The following PRKAA1 variants were observed in gnomAD, a reference collection of about 807,000 sequenced individuals.
PRKAA1 encodes protein kinase AMP-activated catalytic subunit alpha 1.
PRKAA1 carries 23 observed loss-of-function variants against 56.9 expected under a neutral mutation model. The observed-to-expected ratio is 0.40, with a 90% CI of 0.29 to 0.57. PRKAA1 has a LOEUF of 0.57. PRKAA1 is among the 20% of genes least tolerant of loss of function. The probability of loss-of-function intolerance (pLI) is 0.39; values close to 1 mark genes in which losing one functional copy is unlikely to be tolerated. For synonymous variants in PRKAA1, 226 were observed against 227.0 expected (o/e 1.00, Z 0.04); for missense variants, 413 against 679.7 (o/e 0.61, Z 4.36).
chr5:40,765,135 CA>C lies in PRKAA1; in HGVS notation c.924del (p.Cys308TrpfsTer31). 6.2e-7 allele frequency: 1 copy of C among 1,614,152 alleles called. No homozygotes were observed. Among genetic ancestry groups the C allele is most frequent in the Non-Finnish European group, 8.5e-7 (1 of 1,180,020 alleles). ...TCCTCTTCTGAGCACTCAAACTTTT[CA>C]CATACTTCTTTTAAGGCTTCATCAT... ...MIDDEALKEV[C>X]EKFECSEEEV... On this transcript the variant is annotated frameshift_variant, in exon 7 of 9. Transcript: ENST00000397128. LOFTEE classifies it high-confidence loss of function.
intron 2 of PRKAA1, 92 bp downstream of exon 2, chr5:40,777,353 G>T: frequency 7.3e-7 from 1 of 1,371,094 alleles, no homozygotes; most frequent in Non-Finnish European, 1.0e-6. Flanking sequence ...ACAAAAAGAA[G>T]TGTCAGTCAT....
chr5:40,759,634 T>C lies in PRKAA1; in HGVS notation c.*3144A>G, dbSNP rs1330866410. The C allele has an allele frequency of 6.6e-6, 1 of 152,348 alleles. No homozygotes were observed. Among genetic ancestry groups the C allele is most frequent in the African/African-American group, 2.4e-5 (1 of 41,464 alleles). The allele number at this position is 152,348 out of a possible 1,614,324, so 9.4% of individuals were successfully genotyped here. A position where few individuals can be genotyped will look rare whatever the true frequency, so the allele number is the denominator to read the frequency against. ...GAAAAAATTTGGACAGCACACACTT[T>C]TCTTTCATTCCAAAGGTGCCAGTCA... On this transcript the variant is annotated 3_prime_UTR_variant, in exon 9 of 9. Transcript: ENST00000397128.
At chr5:40,769,050 A>G in intron 5 of PRKAA1, 1 of 775,268 alleles carries the variant, frequency 1.3e-6, no homozygotes, top group Non-Finnish European at 2.0e-6. Flanking sequence ...AATGCCATCT[A>G]TGTAAAAAAT....
chr5:40,759,735 A>G lies in PRKAA1; in HGVS notation c.*3043T>C, dbSNP rs534410671. 2 of 152,478 alleles carry G rather than the reference A, an allele frequency of 1.3e-5. No homozygotes were observed. Among genetic ancestry groups the G allele is most frequent in the South Asian group, 4.1e-4 (2 of 4,828 alleles). The allele number at this position is 152,478 out of a possible 1,614,324, so 9.4% of individuals were successfully genotyped here. A position where few individuals can be genotyped will look rare whatever the true frequency, so the allele number is the denominator to read the frequency against. On this transcript the variant is annotated 3_prime_UTR_variant, in exon 9 of 9. Transcript: ENST00000397128. ...ATTCAATGTAAATGGTGTCACTACA[A>G]CATCAAAAAGAGCAGTGCTAGGCAG...
intron 3 of PRKAA1, 72 bp from the exon 4 acceptor site, chr5:40,771,935 C>T (rs1743767114): frequency 2.0e-6 from 3 of 1,521,168 alleles, no homozygotes; most frequent in African/African-American, 1.4e-5. Flanking sequence ...AATTCTCCAA[C>T]CTATAAAATT....
chr5:40,764,372 G>A (rs1743324757), intron 8 of PRKAA1, 142 bp downstream of exon 8: 1 of 747,572 alleles, frequency 1.3e-6, no homozygotes, highest in East Asian at 2.8e-5. Flanking sequence ...TGTTAATATT[G>A]CAAAGGCACA....
chr5:40,762,823 T>A lies in PRKAA1; in HGVS notation c.1635A>T (p.Glu545Asp). 6.2e-7 allele frequency: 1 copy of A among 1,614,152 alleles called. No individual in the cohort carries two copies. The highest frequency in any genetic ancestry group is 2.2e-5 in the East Asian group (1 of 44,878). The change falls in exon 9 of 9, where the codon GAA becomes GAT. Residue 545 changes from glutamate to aspartate, a missense_variant. Glu to Asp is a conservative substitution (Grantham distance 45). Around this residue, in one of 9 missense-constraint regions of PRKAA1, gnomAD observed 139 missense variants for 171.5 expected, o/e 0.81. Transcript: ENST00000397128. ...LTPRPGSHTI[E>D]FFEMCANLIK... Reference sequence around the variant, plus strand: ...TTAGATTTGCACACATCTCAAAAAATTCTATTGTGTGACTTCCAGGTCTTG... The same window carrying A: ...TTAGATTTGCACACATCTCAAAAAAATCTATTGTGTGACTTCCAGGTCTTG...
At chr5:40,792,774 G>A (rs986553260) in intron 1 of PRKAA1, among the ~76,000 whole-genome samples, 1 of 152,032 alleles carries the variant, frequency 6.6e-6, no homozygotes, top group Non-Finnish European at 1.5e-5. Context: ...AAATACTTAC[G>A]AACTTAGGCC....
At chr5:40,786,841 C>CCTAGCTA (rs1325125954) in intron 1 of PRKAA1, among the ~76,000 whole-genome samples, 1 of 143,526 alleles carries the variant, frequency 7.0e-6, no homozygotes, top group East Asian at 2.1e-4. Context: ...CGCCTGTAAT[C>CCTAGCTA]CTAGCTACTT....
intron 6 of PRKAA1, among the ~76,000 whole-genome samples, chr5:40,765,636 G>A (rs1743393385): frequency 6.6e-6 from 1 of 152,136 alleles, no homozygotes; most frequent in African/African-American, 2.4e-5. Context: ...CAACTACTGA[G>A]TACTTACTAT....
intron 1 of PRKAA1, among the ~76,000 whole-genome samples, chr5:40,793,889 G>C (rs761906274): frequency 6.6e-6 from 1 of 152,106 alleles, no homozygotes; most frequent in Non-Finnish European, 1.5e-5. Context: ...ATCACCTGAG[G>C]TCAGGAGTTC....
At chr5:40,773,622 A>T (rs1743852415) in intron 3 of PRKAA1, among the ~76,000 whole-genome samples, 3 of 152,196 alleles carry the variant, frequency 2.0e-5, no homozygotes, top group African/African-American at 7.2e-5. Flanking sequence ...AGTAATAAAG[A>T]CTAAGCCTAC....
rs559917899 is a variant in PRKAA1, at chr5:40,760,394, A to C, written c.*2384T>G. 7.2e-5 allele frequency: 11 copies of C among 152,860 alleles called. No individual in the cohort carries two copies. In the South Asian group the frequency reaches 2.3e-3, roughly 32 times the overall value. The allele number at this position is 152,860 out of a possible 1,614,324, so 9.5% of individuals were successfully genotyped here. A position where few individuals can be genotyped will look rare whatever the true frequency, so the allele number is the denominator to read the frequency against. On this transcript the variant is annotated 3_prime_UTR_variant, in exon 9 of 9. Coordinates refer to ENST00000397128, the MANE Select transcript of PRKAA1 (RefSeq NM_006251.6). Reference sequence around the variant, plus strand: ...GTTTACAAAATTAACAATTTTTAAAAGGTCCTATTTAATTGGTTCCTCCTT... The same window carrying C: ...GTTTACAAAATTAACAATTTTTAAACGGTCCTATTTAATTGGTTCCTCCTT...
Position 40,759,731 on chromosome 5 carries a change from T to C in PRKAA1, c.*3047A>G, listed in dbSNP as rs567203353. On this transcript the variant is annotated 3_prime_UTR_variant, in exon 9 of 9. Transcript: ENST00000397128. ...ATTAATTCAATGTAAATGGTGTCAC[T>C]ACAACATCAAAAAGAGCAGTGCTAG... 31 of 152,380 alleles carry C rather than the reference T, an allele frequency of 2.0e-4. No homozygotes were observed. Among genetic ancestry groups the C allele is most frequent in the African/African-American group, 7.0e-4 (29 of 41,548 alleles). 9.4% of individuals were successfully genotyped at this position (152,380 alleles called of 1,614,324 possible).
At chr5:40,784,666 G>A (rs931147719) in intron 1 of PRKAA1, among the ~76,000 whole-genome samples, 32 of 152,016 alleles carry the variant, frequency 2.1e-4, no homozygotes, top group Admixed American at 1.6e-3. Context: ...CATAATTAAA[G>A]TATACAACTT....
rs750900739 is a variant in PRKAA1, at chr5:40,762,812, ATC to A, written c.1644_1645del (p.Glu548AspfsTer7). ...AAGAATTTTAATTAGATTTGCACAC[ATC>A]TCAAAAAATTCTATTGTGTGACTTC... On this transcript the variant is annotated frameshift_variant, in exon 9 of 9. Transcript: ENST00000397128. LOFTEE classifies it high-confidence loss of function. 1 of 1,614,182 alleles carries A rather than the reference ATC, an allele frequency of 6.2e-7. No individual in the cohort carries two copies. Among genetic ancestry groups the A allele is most frequent in the Non-Finnish European group, 8.5e-7 (1 of 1,179,998 alleles).
intron 7 of PRKAA1, 45 bp from the exon 8 acceptor site, chr5:40,764,685 A>G (rs375228600): frequency 4.4e-6 from 7 of 1,605,230 alleles, no homozygotes; most frequent in South Asian, 1.1e-5. Flanking sequence ...TAATTCTTCT[A>G]TAAAACATTT....
Position 40,759,472 on chromosome 5 carries a change from T to C in PRKAA1, c.*3306A>G, listed in dbSNP as rs1038425441. The C allele has an allele frequency of 6.6e-6, 1 of 152,296 alleles. No homozygotes were observed. The highest frequency in any genetic ancestry group is 1.5e-5 in the Non-Finnish European group (1 of 68,030). The allele number at this position is 152,296 out of a possible 1,614,324, so 9.4% of individuals were successfully genotyped here. On this transcript the variant is annotated 3_prime_UTR_variant, in exon 9 of 9. Coordinates refer to ENST00000397128, the MANE Select transcript of PRKAA1 (RefSeq NM_006251.6). Reference sequence around the variant, plus strand: ...ACTTAAATATACTCTGGTCAAAATATACATGAACCACAAATATTAACTTCT... The same window carrying C: ...ACTTAAATATACTCTGGTCAAAATACACATGAACCACAAATATTAACTTCT...
chr5:40,781,037 CT>C (rs1744246521), intron 1 of PRKAA1, among the ~76,000 whole-genome samples: 1 of 152,122 alleles, frequency 6.6e-6, no homozygotes, highest in African/African-American at 2.4e-5. Context: ...TCGGTTCCAC[CT>C]AATATGATGC....
Sources: gnomAD v4.1 joint callset for allele counts (sites outside exome capture counted in the v4.1 genomes callset) on GRCh38, gnomAD v4.1.1 for gene constraint, gnomAD v4.1.1 regional missense constraint, MANE v1.5 for transcripts, NCBI Gene and HGNC (gene_info 2026-07-23, HGNC 2026-07-21) for gene names.